Variants in CFAP46 observed in about 807,000 individuals in gnomAD.
CFAP46 encodes the protein cilia- and flagella-associated protein 46.
A neutral mutation model predicts 325.7 loss-of-function variants in CFAP46; 245 were observed. The observed-to-expected ratio is 0.75, with a 90% CI of 0.68 to 0.84. The LOEUF is 0.84. Ranked by LOEUF, CFAP46 falls within the 40% of genes least tolerant of loss-of-function variation. The pLI, the probability that CFAP46 is intolerant of heterozygous loss-of-function variation, is 0.00. For synonymous variants in CFAP46, 1,523 were observed against 1,495.9 expected (o/e 1.02, Z -0.42); for missense variants, 3,346 against 3,543.0 (o/e 0.94, Z 1.41).
In CFAP46 at chr10:132,889,533, A is replaced by G. The variant is rs138626631; in HGVS notation, c.3304+2800T>C. On this transcript the variant is annotated intron_variant, in intron 25 of 57. Transcript: ENST00000368586. This position sits in a 1 kb window ranked among gnomAD's most constrained non-coding sequence, Gnocchi z 6.0. ...CTTGAATTCATTAAACCAGGGTCCA[A>G]TGAACTTGGAAACCACACATAGGGT... Among the ~76,000 whole-genome samples, 12 of 152,296 alleles carry G rather than the reference A, an allele frequency of 7.9e-5. No individual in the cohort carries two copies. Among genetic ancestry groups the G allele is most frequent in the Non-Finnish European group, 1.8e-4 (12 of 68,010 alleles).
rs553543301 is a variant in CFAP46 at position 132,817,644 on chromosome 10, C to T, written c.7118-2730G>A. Among the ~76,000 whole-genome samples the T allele has an allele frequency of 2.6e-5, 4 of 152,324 alleles. No individual in the cohort carries two copies. Among genetic ancestry groups the T allele is most frequent in the South Asian group, 2.1e-4 (1 of 4,830 alleles). On this transcript the variant is annotated intron_variant, in intron 50 of 57. Coordinates refer to ENST00000368586, the MANE Select transcript of CFAP46 (RefSeq NM_001200049.3). This position sits in a 1 kb window ranked among gnomAD's most constrained non-coding sequence, Gnocchi z 4.4. The stretch of plus-strand genomic sequence containing the variant: ...GTGTCCTTAGCGCTTTACGGCAGTG[C>T]GGCCACACCTGGCGGCGCCCCAGAC...
chr10:132,932,662 T>C (rs949561959), intron 8 of CFAP46, among the ~76,000 whole-genome samples: 1 of 129,478 alleles, frequency 7.7e-6, no homozygotes, highest in Non-Finnish European at 1.7e-5. Context: ...CTTCCTACCA[T>C]GCGACAAGCC....
At position 132,876,399 on chromosome 10, in the gene CFAP46, G is replaced by A. The variant is rs116843864; in HGVS notation, c.4362+413C>T. 5.3e-5 allele frequency among the ~76,000 whole-genome samples: 8 copies of A among 152,324 alleles called. No homozygotes were observed. The highest frequency in any genetic ancestry group is 4.1e-4 in the South Asian group (2 of 4,824). On this transcript the variant is annotated intron_variant, in intron 31 of 57. Transcript: ENST00000368586. The surrounding 1 kb of genome is among the most constrained non-coding windows in gnomAD (Gnocchi z 4.1). ...GGCCACGTGACCACAGAGGCTGACC[G>A]GGATGAGGAAAGAGGGATCTTCCCC...
Position 132,885,155 on chromosome 10 carries a change from G to A in CFAP46, c.3575C>T (p.Pro1192Leu), listed in dbSNP as rs762901341. The change falls in exon 27 of 58, where the codon CCG becomes CTG. Residue 1192 changes from proline to leucine, a missense_variant. Transcript: ENST00000368586. ...GCAGGCCAGCTCTCCAGACACGCTCGGCGAGTTCAGGGCCAGGCGGTGCCA... is the reference window on the plus strand; with the variant it reads ...GCAGGCCAGCTCTCCAGACACGCTCAGCGAGTTCAGGGCCAGGCGGTGCCA... ...RMWHRLALNS[P>L]SVSGELACYN... 7 of 1,550,236 alleles carry A rather than the reference G, an allele frequency of 4.5e-6. No homozygotes were observed. The highest frequency in any genetic ancestry group is 2.7e-5 in the African/African-American group (2 of 73,052).
At chr10:132,938,783 A>G (rs12247654) in intron 4 of CFAP46, 30 bp from the exon 5 acceptor site, 131,658 of 1,598,470 alleles carry the variant, frequency 0.082, 6,634 homozygotes, top group African/African-American at 0.22. Context: ...AGCAGAGAGC[A>G]CGCTCAAAGC....
At position 132,869,327 on chromosome 10, in the gene CFAP46, C is replaced by T. The variant is rs1206824389; in HGVS notation, c.4557G>A (p.Ala1519=). Residue 1519 remains alanine (A), a synonymous_variant, in exon 33 of 58, where the codon GCG becomes GCA. Coordinates refer to ENST00000368586, the MANE Select transcript of CFAP46 (RefSeq NM_001200049.3). This position sits in a 1 kb window ranked among gnomAD's most constrained non-coding sequence, Gnocchi z 6.2. ...CSELKLREAA[A]RHEEAVGQVC... ...CCTGCCCGACCGCCTCTTCATGGCGCGCGGCTGCTTCTCTCAGCTTCAGCT... is the reference window on the plus strand; with the variant it reads ...CCTGCCCGACCGCCTCTTCATGGCGTGCGGCTGCTTCTCTCAGCTTCAGCT... 7.1e-6 allele frequency: 11 copies of T among 1,539,296 alleles called. No individual in the cohort carries two copies. The highest frequency in any genetic ancestry group is 3.9e-5 in the Admixed American group (2 of 50,854).
At position 132,941,076 on chromosome 10, in the gene CFAP46, G is replaced by C; in HGVS notation, c.307-16C>G. 6.2e-7 allele frequency: 1 copy of C among 1,613,972 alleles called. No homozygotes were observed. On this transcript the variant is annotated splice_polypyrimidine_tract_variant and intron_variant, in intron 3 of 57. Coordinates refer to ENST00000368586, the MANE Select transcript of CFAP46 (RefSeq NM_001200049.3). ...CAAATTCCTCCTAAGGCAACATAAA[G>C]AAGCACAATTAGACCGAAATACTGA... is the stretch of plus-strand genomic sequence containing the variant.
chr10:132,912,664 T>A lies in CFAP46; in HGVS notation c.2490A>T (p.Thr830=). The change falls in exon 19 of 58, where the codon ACA becomes ACT. Residue 830 remains threonine, a synonymous_variant. Transcript: ENST00000368586. ...LDAGATSEIK[T]AVEVCEFALN... The stretch of plus-strand genomic sequence containing the variant: ...ATCATGGAGGTGGTACCTCCACCGC[T>A]GTTTTGATCTCGGAAGTGGCTCCTG... 6.5e-7 allele frequency: 1 copy of A among 1,548,934 alleles called. No homozygotes were observed. The highest frequency in any genetic ancestry group is 8.7e-7 in the Non-Finnish European group (1 of 1,146,844).
intron 9 of CFAP46, among the ~76,000 whole-genome samples, chr10:132,926,869 C>T (rs1487485170): frequency 6.6e-6 from 1 of 152,218 alleles, no homozygotes; most frequent in Non-Finnish European, 1.5e-5. Context: ...TGTCTGCCTG[C>T]GGGCCCCACC....
At chr10:132,928,932 C>T (rs1167035968) in intron 9 of CFAP46, among the ~76,000 whole-genome samples, 1 of 152,156 alleles carries the variant, frequency 6.6e-6, no homozygotes, top group Non-Finnish European at 1.5e-5. Context: ...GTGAAAATTC[C>T]CTAGTCATTT....
At chr10:132,824,850 A>ATG (rs377100020) in intron 50 of CFAP46, among the ~76,000 whole-genome samples, 1 of 102,692 alleles carries the variant, frequency 9.7e-6, no homozygotes, top group African/African-American at 3.9e-5. Flanking sequence ...GTGAGCGCTG[A>ATG]TGTGTGTGTG....
At chr10:132,903,501 C>T (rs572088709) in intron 22 of CFAP46, among the ~76,000 whole-genome samples, 2 of 152,324 alleles carry the variant, frequency 1.3e-5, no homozygotes, top group South Asian at 4.1e-4. Context: ...CATCTGGGCC[C>T]GCTCTCCAGG....
In CFAP46 at chr10:132,877,599, G is replaced by A. The variant is rs544209660; in HGVS notation, c.4212+282C>T. The stretch of plus-strand genomic sequence containing the variant: ...GGCCCGGGATTCCTGCCAGGGACAA[G>A]CCAGGGTGCTTTACAGACATTCCCC... On this transcript the variant is annotated intron_variant, in intron 30 of 57. Transcript: ENST00000368586. This position sits in a 1 kb window ranked among gnomAD's most constrained non-coding sequence, Gnocchi z 5.7. 6.6e-5 allele frequency among the ~76,000 whole-genome samples: 10 copies of A among 152,190 alleles called. No homozygotes were observed. The highest frequency in any genetic ancestry group is 1.3e-4 in the Non-Finnish European group (9 of 68,038).
chr10:132,839,471 C>T (rs1246490325), intron 44 of CFAP46, among the ~76,000 whole-genome samples: 1 of 152,254 alleles, frequency 6.6e-6, no homozygotes, highest in Non-Finnish European at 1.5e-5. Flanking sequence ...ACACACGGAA[C>T]AGCACCCGAG....
Position 132,808,981 on chromosome 10 carries a change from G to A in CFAP46, c.7665-77C>T. The A allele has an allele frequency of 1.4e-6, 2 of 1,385,198 alleles. No individual in the cohort carries two copies. The highest frequency in any genetic ancestry group is 1.5e-5 in the South Asian group (1 of 67,582). 85.8% of individuals were successfully genotyped at this position (1,385,198 alleles called of 1,614,324 possible). ...AGCCCGGTGAGGACCAGGGCACAGG[G>A]GCGGGAAGTGGCAGCTGCTCCAACT... is the stretch of plus-strand genomic sequence containing the variant. On this transcript the variant is annotated intron_variant, in intron 57 of 57. Transcript: ENST00000368586. This position sits in a 1 kb window ranked among gnomAD's most constrained non-coding sequence, Gnocchi z 6.8.
rs116293326 is a variant in CFAP46 at position 132,876,191 on chromosome 10, G to A, written c.4362+621C>T. Among the ~76,000 whole-genome samples the A allele has an allele frequency of 5.7e-3, 874 of 152,340 alleles. 7 individuals carry two copies. The highest frequency in any genetic ancestry group is 0.019 in the African/African-American group (805 of 41,578). ...ACCGGCTGCTGATATTGAGGGGAGT[G>A]GCATCAGCAGGGATCTGCGCAGGGC... On this transcript the variant is annotated intron_variant, in intron 31 of 57. Coordinates refer to ENST00000368586, the MANE Select transcript of CFAP46 (RefSeq NM_001200049.3). This position sits in a 1 kb window ranked among gnomAD's most constrained non-coding sequence, Gnocchi z 4.1.
Position 132,878,012 on chromosome 10 carries a change from G to A in CFAP46, c.4081C>T (p.Pro1361Ser). The A allele has an allele frequency of 6.5e-7, 1 of 1,542,940 alleles. No homozygotes were observed. Among genetic ancestry groups the A allele is most frequent in the Non-Finnish European group, 8.7e-7 (1 of 1,143,396 alleles). ...CTCTCATTCTCCTTCTCTTTTTTAG[G>A]CAATAACAGATGTGAGCTGGTTGCT... Reference protein sequence around the residue: ...LAATSSHLLLPKKEKENERSK... With the variant: ...LAATSSHLLLSKKEKENERSK... The change falls in exon 30 of 58, where the codon CCT (proline) becomes TCT (serine). Residue 1361 changes from proline to serine, a missense_variant. Physicochemically the swap from Pro to Ser is moderately conservative, Grantham distance 74. Coordinates refer to ENST00000368586, the MANE Select transcript of CFAP46 (RefSeq NM_001200049.3).
At position 132,922,522 on chromosome 10, in the gene CFAP46, G is replaced by A. The variant is rs4880286; in HGVS notation, c.1443C>T (p.Ala481=). ...RLRLCTTLYQ[A]PERAEDKAIM... Reference sequence around the variant, plus strand: ...TGGCCTTGTCCTCTGCGCGCTCAGGGGCCTGGTATAGCGTGGTGCACAGAC... The same window carrying A: ...TGGCCTTGTCCTCTGCGCGCTCAGGAGCCTGGTATAGCGTGGTGCACAGAC... The change falls in exon 12 of 58, where the codon GCC becomes GCT. Residue 481 remains alanine (A), a synonymous_variant. Transcript: ENST00000368586. 586,536 of 1,543,566 alleles carry A rather than the reference G, an allele frequency of 0.38. 112,999 individuals carry two copies. The highest frequency in any genetic ancestry group is 0.54 in the Admixed American group (27,525 of 50,874).
chr10:132,937,765 T>A, intron 5 of CFAP46, 90 bp from the exon 6 acceptor site: 1 of 1,498,236 alleles, frequency 6.7e-7, no homozygotes. Flanking sequence ...ACATATTTTG[T>A]GTTTCACAAA....
Sources: gnomAD v4.1 joint callset for allele counts (sites outside exome capture counted in the v4.1 genomes callset) on GRCh38, gnomAD v4.1.1 for gene constraint, Gnocchi (gnomAD v3.1) non-coding constraint, MANE v1.5 for transcripts, NCBI Gene and HGNC (gene_info 2026-07-23, HGNC 2026-07-21) for gene names.